Variants in HMG20A observed in about 807,000 individuals in gnomAD.
The protein encoded by HMG20A is high mobility group protein 20A.
A neutral mutation model predicts 43.9 loss-of-function variants in HMG20A; 17 were observed. The observed-to-expected ratio is 0.39, with a 90% confidence interval of 0.27 to 0.58. The LOEUF is 0.58. Among genes scored for constraint, HMG20A ranks in the 20% least tolerant of loss-of-function variants. HMG20A has a pLI of 0.59. For synonymous variants in HMG20A, 132 were observed against 147.5 expected (o/e 0.89, Z 0.76); for missense variants, 341 against 438.2 (o/e 0.78, Z 1.98).
chr15:77,510,216 A>C, the HMG20A span, among the ~76,000 whole-genome samples: 1 of 152,134 alleles, frequency 6.6e-6, no homozygotes, highest in Non-Finnish European at 1.5e-5. Flanking sequence ...TGCACACAGC[A>C]TGCCTCAGTG....
intron 1 of HMG20A, among the ~76,000 whole-genome samples, chr15:77,439,278 C>A (rs955986612): frequency 6.6e-6 from 1 of 151,902 alleles, no homozygotes; most frequent in Non-Finnish European, 1.5e-5. Context: ...TGCTTTTTTT[C>A]TTTTACTTTT....
chr15:77,482,643 G>T (rs1454646085), intron 9 of HMG20A: 2 of 152,048 alleles, frequency 1.3e-5, no homozygotes, highest in African/African-American at 2.4e-5. Flanking sequence ...ACTAAAGTAG[G>T]GTACTCATTT....
Position 77,470,997 on chromosome 15 carries a change from A to G in HMG20A, c.538A>G (p.Ser180Gly). 2.5e-6 allele frequency: 4 copies of G among 1,613,490 alleles called. No individual in the cohort carries two copies. The highest frequency in any genetic ancestry group is 3.4e-6 in the Non-Finnish European group (4 of 1,179,720). ...YQKTEAYKVF[S>G]RKTQDRQKGK... Reference sequence around the variant, plus strand: ...GAAAACAGAGGCCTACAAGGTCTTCAGTAGGAAAACCCAGGACCGTCAGAA... The same window carrying G: ...GAAAACAGAGGCCTACAAGGTCTTCGGTAGGAAAACCCAGGACCGTCAGAA... Residue 180 changes from serine to glycine, a missense_variant, in exon 5 of 10, where the codon AGT (serine) becomes GGT (glycine). Transcript: ENST00000336216.
the HMG20A span, among the ~76,000 whole-genome samples, chr15:77,509,099 T>C: frequency 6.6e-6 from 1 of 152,114 alleles, no homozygotes; most frequent in African/African-American, 2.4e-5. Flanking sequence ...ATGGACATGC[T>C]TCATAAACTG....
At chr15:77,517,531 G>A in the HMG20A span, among the ~76,000 whole-genome samples, 11 of 150,802 alleles carry the variant, frequency 7.3e-5, no homozygotes, top group Admixed American at 2.6e-4. Flanking sequence ...AATGGATGCC[G>A]TGCTTCTGCT....
the HMG20A span, among the ~76,000 whole-genome samples, chr15:77,504,299 A>G: frequency 6.6e-6 from 1 of 152,222 alleles, no homozygotes; most frequent in South Asian, 2.1e-4. Context: ...AGAGTGGCTA[A>G]TGAGCAGGGC....
At chr15:77,468,199 AT>A (rs2072773712) in intron 4 of HMG20A, among the ~76,000 whole-genome samples, 1 of 152,222 alleles carries the variant, frequency 6.6e-6, no homozygotes, top group Non-Finnish European at 1.5e-5. Context: ...GCGCTACTGT[AT>A]AAAAGGATAG....
intron 3 of HMG20A, among the ~76,000 whole-genome samples, chr15:77,465,260 C>CAAAAAAAAAA (rs71145837): frequency 1.7e-5 from 1 of 59,182 alleles, no homozygotes; most frequent in Non-Finnish European, 2.7e-5. Context: ...GACTTCGTCT[C>CAAAAAAAAAA]AAAAAAAAAA....
intron 9 of HMG20A, chr15:77,479,727 G>C (rs1567408366): frequency 6.5e-6 from 1 of 153,988 alleles, no homozygotes; most frequent in Non-Finnish European, 1.4e-5. Flanking sequence ...TTTCCCAAAA[G>C]GTTTTGAAAA....
chr15:77,430,631 G>A (rs1170207949), intron 1 of HMG20A, among the ~76,000 whole-genome samples: 1 of 152,216 alleles, frequency 6.6e-6, no homozygotes, highest in Admixed American at 6.5e-5. Flanking sequence ...TTATGGGGCG[G>A]AGCAGACAAA....
In HMG20A at chr15:77,483,146, T is replaced by C. The variant is rs745844215; in HGVS notation, c.*183T>C. ...GAAGCCAAATGAGGGAGCAGCAACA[T>C]GTATATGAGCTTCCTATGGAATTGT... On this transcript the variant is annotated 3_prime_UTR_variant, in exon 10 of 10. Transcript: ENST00000336216. 7.2e-5 allele frequency: 11 copies of C among 152,120 alleles called. No individual in the cohort carries two copies. The highest frequency in any genetic ancestry group is 1.0e-4 in the Non-Finnish European group (7 of 68,028). The allele number at this position is 152,120 out of a possible 1,614,324, so 9.4% of individuals were successfully genotyped here.
chr15:77,443,352 TATGATGATG>T lies in HMG20A; in HGVS notation c.-4-15031_-4-15023del, dbSNP rs771200087. On this transcript the variant is annotated intron_variant, in intron 1 of 9. Transcript: ENST00000336216. The stretch of plus-strand genomic sequence containing the variant: ...TCTTTGTTCTTATATATCTATTTTT[TATGATGATG>T]ATGATGATGATGATGATGATTATTA... Among the ~76,000 whole-genome samples the T allele has an allele frequency of 1.2e-3, 175 of 141,788 alleles. 1 individual carries two copies. Among genetic ancestry groups the T allele is most frequent in the African/African-American group, 4.1e-3 (157 of 38,272 alleles). 93.0% of individuals were successfully genotyped at this position (141,788 alleles called of 152,430 possible). A position where few individuals can be genotyped will look rare whatever the true frequency, so the allele number is the denominator to read the frequency against.
At chr15:77,489,108 A>G (rs1369289814), downstream of HMG20A, among the ~76,000 whole-genome samples, 1 of 152,244 alleles carries the variant, frequency 6.6e-6, no homozygotes, top group Admixed American at 6.5e-5. Context: ...TAGTCAATCC[A>G]TGTAAAACAC....
chr15:77,451,959 T>C (rs1330318977), intron 1 of HMG20A, among the ~76,000 whole-genome samples: 1 of 152,216 alleles, frequency 6.6e-6, no homozygotes, highest in East Asian at 1.9e-4. Context: ...ACTGACTCTA[T>C]TGTTTGAAGA....
intron 6 of HMG20A, among the ~76,000 whole-genome samples, chr15:77,473,164 G>T (rs535132093): frequency 6.6e-6 from 1 of 152,278 alleles, no homozygotes; most frequent in East Asian, 1.9e-4. Flanking sequence ...ATTATAAAGT[G>T]AGAAGCATAG....
At chr15:77,434,489 GT>G (rs2073524290) in intron 1 of HMG20A, among the ~76,000 whole-genome samples, 1 of 152,062 alleles carries the variant, frequency 6.6e-6, no homozygotes, top group South Asian at 2.1e-4. Context: ...TGTAATACAT[GT>G]ATTCAACAAG....
At chr15:77,480,882 A>G (rs1294700355) in intron 9 of HMG20A, among the ~76,000 whole-genome samples, 1 of 152,102 alleles carries the variant, frequency 6.6e-6, no homozygotes, top group Non-Finnish European at 1.5e-5. Context: ...CTATTGGTTA[A>G]GTTATTCCAT....
At chr15:77,501,544 C>A in the HMG20A span, among the ~76,000 whole-genome samples, 3 of 152,242 alleles carry the variant, frequency 2.0e-5, no homozygotes, top group Admixed American at 6.5e-5. Context: ...ACCTGGGTTG[C>A]ATTCTCTTCC....
At chr15:77,452,252 A>G (rs1005012532) in intron 1 of HMG20A, among the ~76,000 whole-genome samples, 2 of 152,348 alleles carry the variant, frequency 1.3e-5, no homozygotes, top group Non-Finnish European at 1.5e-5. Context: ...AATGCCCATG[A>G]TATGCTCAAA....
Sources: gnomAD v4.1 joint callset for allele counts (sites outside exome capture counted in the v4.1 genomes callset) on GRCh38, gnomAD v4.1.1 for gene constraint, MANE v1.5 for transcripts, NCBI Gene and HGNC (gene_info 2026-07-23, HGNC 2026-07-21) for gene names.